The following LARGE1 variants were observed in gnomAD, a reference collection of about 807,000 sequenced individuals.
The protein encoded by LARGE1 is LARGE xylosyl- and glucuronyltransferase 1.
In LARGE1, 43 loss-of-function variants were observed where a neutral mutation model predicts 87.6. That is an observed-to-expected ratio of 0.49 (90% CI 0.38 to 0.63). LARGE1 has a LOEUF of 0.63. LARGE1 is among the 30% of genes least tolerant of loss of function. LARGE1 has a pLI of 0.00. For missense variants in LARGE1, 802 were observed against 1,000.2 expected, an observed-to-expected ratio of 0.80 and a Z score of 2.67; for synonymous variants, 434 against 394.6, an observed-to-expected ratio of 1.10 and a Z score of -1.18.
downstream of LARGE1, among the ~76,000 whole-genome samples, chr22:33,271,691 C>T (rs1207920012): frequency 6.6e-6 from 1 of 152,236 alleles, no homozygotes; most frequent in South Asian, 2.1e-4. Context: ...CTACAGCTCC[C>T]CACACATAAG....
At chr22:33,089,307 C>CT in the LARGE1 span, among the ~76,000 whole-genome samples, 132 of 118,130 alleles carry the variant, frequency 1.1e-3, no homozygotes, top group African/African-American at 3.3e-3. Context: ...TCTTCCTCTT[C>CT]TTCTTCTTTC....
chr22:33,173,519 A>T (rs1314004541), intron 11 of LARGE1, among the ~76,000 whole-genome samples: 11 of 152,204 alleles, frequency 7.2e-5, no homozygotes, highest in Admixed American at 7.2e-4. Context: ...AATGGACTAA[A>T]TGCCCCAATT....
intron 7 of LARGE1, among the ~76,000 whole-genome samples, chr22:33,419,943 T>A (rs1467241642): frequency 1.3e-5 from 2 of 152,082 alleles, no homozygotes; most frequent in African/African-American, 4.8e-5. Context: ...ATCCACTCAC[T>A]TTGGCCTCCC....
chr22:33,643,869 T>C (rs1043296450), intron 3 of LARGE1, among the ~76,000 whole-genome samples: 9 of 151,986 alleles, frequency 5.9e-5, no homozygotes, highest in Non-Finnish European at 1.3e-4. Context: ...CAGGAAGAAA[T>C]CGAATCCCTG....
At chr22:33,347,202 G>T (rs1324040964) in intron 9 of LARGE1, among the ~76,000 whole-genome samples, 1 of 152,220 alleles carries the variant, frequency 6.6e-6, no homozygotes, top group Non-Finnish European at 1.5e-5. Context: ...CTTCTTCAGT[G>T]CTCTACAGGC....
At chr22:33,394,110 C>G (rs5998908) in intron 7 of LARGE1, among the ~76,000 whole-genome samples, 21 of 146,604 alleles carry the variant, frequency 1.4e-4, no homozygotes, top group African/African-American at 5.3e-4. Flanking sequence ...AGAAGCTAAA[C>G]AGGGTGACAA....
At chr22:33,149,322 G>A in the LARGE1 span, among the ~76,000 whole-genome samples, 12 of 152,204 alleles carry the variant, frequency 7.9e-5, no homozygotes, top group East Asian at 1.9e-4. Context: ...GATTACAGCC[G>A]TGAGCCACCG....
chr22:33,743,617 C>T (rs2083970982), intron 2 of LARGE1, among the ~76,000 whole-genome samples: 1 of 152,184 alleles, frequency 6.6e-6, no homozygotes, highest in African/African-American at 2.4e-5. Context: ...GTGATCTGGC[C>T]TAAATTCCTG....
chr22:33,604,622 A>G, intron 4 of LARGE1, 64 bp from the exon 5 acceptor site: 2 of 1,602,236 alleles, frequency 1.2e-6, no homozygotes, highest in Non-Finnish European at 1.7e-6. Flanking sequence ...TACAGCTGCA[A>G]AAACACACTC....
At chr22:33,592,088 G>A (rs1166311381) in intron 5 of LARGE1, among the ~76,000 whole-genome samples, 2 of 137,174 alleles carry the variant, frequency 1.5e-5, no homozygotes, top group East Asian at 4.6e-4. Flanking sequence ...GAGAGGAGGG[G>A]AGGGGAGGGG....
chr22:33,288,022 G>A (rs944669225), intron 12 of LARGE1, among the ~76,000 whole-genome samples: 2 of 152,114 alleles, frequency 1.3e-5, no homozygotes, highest in African/African-American at 2.4e-5. Flanking sequence ...AGTGCTTGTG[G>A]AAGGGCTTGC....
intron 5 of LARGE1, among the ~76,000 whole-genome samples, chr22:33,574,841 G>A (rs911432616): frequency 6.6e-6 from 1 of 151,938 alleles, no homozygotes. Context: ...AGAAGACCAG[G>A]ACCATATGCC....
intron 11 of LARGE1, among the ~76,000 whole-genome samples, chr22:33,244,149 C>T (rs924553567): frequency 6.7e-6 from 1 of 148,942 alleles, no homozygotes; most frequent in Admixed American, 6.7e-5. Context: ...CCACCAAGCC[C>T]AGCTAATTTT....
chr22:33,848,978 T>C (rs2063509039), intron 1 of LARGE1, among the ~76,000 whole-genome samples: 1 of 152,236 alleles, frequency 6.6e-6, no homozygotes, highest in African/African-American at 2.4e-5. Flanking sequence ...TGCTTCATTG[T>C]TCTTCATGGG....
chr22:33,519,239 T>C (rs572429187), intron 6 of LARGE1, among the ~76,000 whole-genome samples: 2,571 of 151,044 alleles, frequency 0.017, 64 homozygotes, highest in African/African-American at 0.059. Flanking sequence ...CGCGCGCGTG[T>C]GTGTGTGTGT....
At chr22:33,083,942 A>G in the LARGE1 span, among the ~76,000 whole-genome samples, 3 of 152,146 alleles carry the variant, frequency 2.0e-5, no homozygotes, top group Admixed American at 6.5e-5. Flanking sequence ...TCTTAGCACA[A>G]TCTACCAGGC....
At chr22:33,215,225 C>T (rs1029838819) in intron 11 of LARGE1, among the ~76,000 whole-genome samples, 5 of 152,146 alleles carry the variant, frequency 3.3e-5, no homozygotes, top group Non-Finnish European at 4.4e-5. Flanking sequence ...TAAATGCCAC[C>T]GTGCCCGGCC....
At chr22:33,809,973 C>T (rs553181486) in intron 1 of LARGE1, among the ~76,000 whole-genome samples, 1 of 152,174 alleles carries the variant, frequency 6.6e-6, no homozygotes, top group East Asian at 1.9e-4. Context: ...GTGGTACTAG[C>T]CACATTTCAA....
In LARGE1 at chr22:33,567,608, T is replaced by A. The variant is rs188603413; in HGVS notation, c.616-2589A>T. Reference sequence around the variant, plus strand: ...TTTATAAAGGTCATGATTTCTTTTTTAAAAAATTTTTAATTTTAGATTCTG... The same window carrying A: ...TTTATAAAGGTCATGATTTCTTTTTAAAAAAATTTTTAATTTTAGATTCTG... On this transcript the variant is annotated intron_variant, in intron 5 of 14. Coordinates refer to ENST00000397394, the MANE Select transcript of LARGE1 (RefSeq NM_133642.5). 3.5e-3 allele frequency among the ~76,000 whole-genome samples: 531 copies of A among 151,926 alleles called. 3 individuals are homozygous for A. The highest frequency in any genetic ancestry group is 6.0e-3 in the South Asian group (29 of 4,808).
Sources: gnomAD v4.1 joint callset for allele counts (sites outside exome capture counted in the v4.1 genomes callset) on GRCh38, gnomAD v4.1.1 for gene constraint, MANE v1.5 for transcripts, NCBI Gene and HGNC (gene_info 2026-07-23, HGNC 2026-07-21) for gene names.